BARD1: variants seen among roughly 807,000 people sequenced by gnomAD.
BARD1 encodes BRCA1-associated RING domain protein 1.
In BARD1, 73 loss-of-function variants were observed where a neutral mutation model predicts 77.0. The observed-to-expected ratio is 0.95, with a 90% CI of 0.79 to 1.15. The LOEUF (loss-of-function observed/expected upper bound fraction) is 1.15. Ranked by LOEUF, BARD1 falls within the 50% of genes most tolerant of loss-of-function variation. The pLI, the probability that BARD1 is intolerant of heterozygous loss-of-function variation, is 0.00. For missense variants in BARD1, 993 were observed against 938.8 expected (o/e 1.06, Z -0.75); for synonymous variants, 384 against 338.0 (o/e 1.14, Z -1.49).
chr2:214,779,398 A>G (rs1559422009), intron 4 of BARD1, among the ~76,000 whole-genome samples: 1 of 152,126 alleles, frequency 6.6e-6, no homozygotes, highest in Non-Finnish European at 1.5e-5. Flanking sequence ...TTTAATTTGC[A>G]TTTTTTTATT....
At chr2:214,772,015 G>A (rs968209729) in intron 4 of BARD1, among the ~76,000 whole-genome samples, 1 of 151,180 alleles carries the variant, frequency 6.6e-6, no homozygotes, top group Non-Finnish European at 1.5e-5. Flanking sequence ...TTTAGCAACT[G>A]GAGTGCAATG....
chr2:214,763,789 A>G (rs1412832411), intron 6 of BARD1, among the ~76,000 whole-genome samples: 1 of 152,202 alleles, frequency 6.6e-6, no homozygotes, highest in East Asian at 1.9e-4. Context: ...AAGGAGTAAG[A>G]GCTTCAGGAA....
chr2:214,759,263 G>A (rs1279477682), intron 6 of BARD1, among the ~76,000 whole-genome samples: 1 of 151,920 alleles, frequency 6.6e-6, no homozygotes, highest in East Asian at 1.9e-4. Context: ...GGCAGATCAA[G>A]TACCACATTC....
chr2:214,761,332 G>A (rs889154950), intron 6 of BARD1, among the ~76,000 whole-genome samples: 1 of 150,606 alleles, frequency 6.6e-6, no homozygotes, highest in African/African-American at 2.4e-5. Context: ...GAAACTATGA[G>A]TATAATTTTG....
At chr2:214,758,673 T>A (rs1693813018) in intron 6 of BARD1, among the ~76,000 whole-genome samples, 1 of 152,224 alleles carries the variant, frequency 6.6e-6, no homozygotes. Context: ...ATCCTTCTGA[T>A]CCTGAAGATG....
intron 7 of BARD1, among the ~76,000 whole-genome samples, chr2:214,750,004 A>G (rs1459594201): frequency 6.6e-6 from 1 of 152,148 alleles, no homozygotes; most frequent in Non-Finnish European, 1.5e-5. Context: ...GAAAGCATCT[A>G]TGAGAGTATC....
In BARD1 at chr2:214,779,768, C is replaced by T. The variant is rs965770159; in HGVS notation, c.1314+792G>A. On this transcript the variant is annotated intron_variant, in intron 4 of 10. Coordinates refer to ENST00000260947, the MANE Select transcript of BARD1 (RefSeq NM_000465.4). ...CCTGGGTGAATTGACTACGTACAGT[C>T]GCTGAGACTGCATAAAAGCTATCCT... Among the ~76,000 whole-genome samples the T allele has an allele frequency of 2.6e-5, 4 of 152,322 alleles. No homozygotes were observed. In the East Asian group the frequency reaches 5.8e-4, roughly 22 times the overall value.
At chr2:214,785,217 C>A (rs2106120067) in intron 3 of BARD1, among the ~76,000 whole-genome samples, 1 of 152,034 alleles carries the variant, frequency 6.6e-6, no homozygotes, top group Middle Eastern at 3.4e-3. Flanking sequence ...CAGTTTAATT[C>A]ACAGGCCTCC....
At chr2:214,789,085 T>A (rs1189414157) in intron 3 of BARD1, among the ~76,000 whole-genome samples, 1 of 152,116 alleles carries the variant, frequency 6.6e-6, no homozygotes, top group African/African-American at 2.4e-5. Context: ...TAATTCAGTA[T>A]GTTTATACTC....
chr2:214,776,385 C>G (rs1384854086), intron 4 of BARD1, among the ~76,000 whole-genome samples: 9 of 152,174 alleles, frequency 5.9e-5, no homozygotes, highest in African/African-American at 9.7e-5. Flanking sequence ...GAAGAATAAA[C>G]AATGAGTATC....
At chr2:214,800,491 T>C (rs1403923289) in intron 1 of BARD1, among the ~76,000 whole-genome samples, 1 of 152,162 alleles carries the variant, frequency 6.6e-6, no homozygotes, top group African/African-American at 2.4e-5. Flanking sequence ...TGTGCCATGA[T>C]CGTGCCTGTG....
intron 3 of BARD1, among the ~76,000 whole-genome samples, chr2:214,782,517 TAG>T (rs1432209720): frequency 5.3e-5 from 8 of 151,886 alleles, no homozygotes; most frequent in African/African-American, 1.9e-4. Context: ...TTGAAAAATA[TAG>T]ATTTATAATC....
At chr2:214,735,306 A>G (rs1692523033) in intron 9 of BARD1, among the ~76,000 whole-genome samples, 1 of 152,200 alleles carries the variant, frequency 6.6e-6, no homozygotes, top group Admixed American at 6.5e-5. Context: ...TGGCATCAAC[A>G]GACTGTGAAA....
chr2:214,753,839 T>G (rs545916778), intron 6 of BARD1, among the ~76,000 whole-genome samples: 4 of 152,304 alleles, frequency 2.6e-5, no homozygotes, highest in African/African-American at 9.6e-5. Context: ...CCAATTGCTT[T>G]CTTCTTTGGA....
At chr2:214,743,595 T>TA (rs1234184534) in intron 9 of BARD1, among the ~76,000 whole-genome samples, 2 of 151,980 alleles carry the variant, frequency 1.3e-5, no homozygotes, top group Admixed American at 1.3e-4. Context: ...GTTATTTATT[T>TA]TTTTTTGAGA....
chr2:214,795,115 G>A (rs1368992447), intron 2 of BARD1, among the ~76,000 whole-genome samples: 1 of 152,124 alleles, frequency 6.6e-6, no homozygotes, highest in Non-Finnish European at 1.5e-5. Flanking sequence ...TCATCTGTCA[G>A]CTGAAACAAA....
chr2:214,745,999 C>A, intron 7 of BARD1, 145 bp from the exon 8 acceptor site: 1 of 987,466 alleles, frequency 1.0e-6, no homozygotes, highest in Non-Finnish European at 1.5e-6. Context: ...AATCTACACC[C>A]AGAACCTTTT....
chr2:214,738,625 TA>T (rs1227797719), intron 9 of BARD1, among the ~76,000 whole-genome samples: 22 of 151,644 alleles, frequency 1.5e-4, no homozygotes, highest in Non-Finnish European at 1.2e-4. Context: ...TTTCCTATAA[TA>T]AAAAAAGATA....
chr2:214,756,769 C>T (rs1693713552), intron 6 of BARD1, among the ~76,000 whole-genome samples: 1 of 152,022 alleles, frequency 6.6e-6, no homozygotes, highest in South Asian at 2.1e-4. Flanking sequence ...TAAGTGGAAG[C>T]TAAGCTATGG....
Sources: gnomAD v4.1 joint callset for allele counts (sites outside exome capture counted in the v4.1 genomes callset) on GRCh38, gnomAD v4.1.1 for gene constraint, MANE v1.5 for transcripts, NCBI Gene and HGNC (gene_info 2026-07-23, HGNC 2026-07-21) for gene names.